The following TIAM1 variants were observed in gnomAD, a reference collection of about 807,000 sequenced individuals.
TIAM1 encodes the protein TIAM Rac1 associated GEF 1.
Under a neutral mutation model 163.5 loss-of-function variants are expected in TIAM1, and 65 were observed. The ratio of observed to expected loss-of-function variants is 0.40; its 90% CI spans 0.33 to 0.49. The LOEUF is 0.49. Among genes scored for constraint, TIAM1 ranks in the 20% least tolerant of loss-of-function variants. The probability of loss-of-function intolerance (pLI) is 0.77; values close to 1 mark genes in which losing one functional copy is unlikely to be tolerated. For synonymous variants in TIAM1, 833 were observed against 810.1 expected (o/e 1.03, Z -0.48); for missense variants, 1,789 against 2,044.7 (o/e 0.87, Z 2.41).
At chr21:31,308,395 A>G (rs909172706) in intron 2 of TIAM1, among the ~76,000 whole-genome samples, 8 of 151,608 alleles carry the variant, frequency 5.3e-5, no homozygotes, top group Admixed American at 5.3e-4. Flanking sequence ...ATGTTTTCAT[A>G]TATTCTATAT....
chr21:31,177,365 C>A (rs115868844), intron 15 of TIAM1, among the ~76,000 whole-genome samples: 1 of 152,074 alleles, frequency 6.6e-6, no homozygotes, highest in African/African-American at 2.4e-5. Flanking sequence ...CCTGCACTTT[C>A]GGAGGGTGAG....
At chr21:31,556,019 C>T (rs2048865604) in intron 1 of TIAM1, among the ~76,000 whole-genome samples, 1 of 152,054 alleles carries the variant, frequency 6.6e-6, no homozygotes, top group Non-Finnish European at 1.5e-5. Flanking sequence ...AGTCTTTGTC[C>T]GGGCTCTTTG....
chr21:31,289,790 T>C (rs1180982576), intron 2 of TIAM1, among the ~76,000 whole-genome samples: 2 of 152,094 alleles, frequency 1.3e-5, no homozygotes, highest in African/African-American at 2.4e-5. Context: ...CAGTGATACA[T>C]CAGTCCCCAT....
At chr21:31,470,318 GTTAT>G (rs1437158475) in intron 1 of TIAM1, among the ~76,000 whole-genome samples, 2 of 146,074 alleles carry the variant, frequency 1.4e-5, no homozygotes, top group Admixed American at 6.9e-5. Context: ...AACTTCAAAT[GTTAT>G]TTATTTATTT....
At chr21:31,237,505 G>T (rs1376093748) in intron 6 of TIAM1, among the ~76,000 whole-genome samples, 1 of 152,098 alleles carries the variant, frequency 6.6e-6, no homozygotes, top group African/African-American at 2.4e-5. Flanking sequence ...TTACTAAAAT[G>T]GTAACTGTTA....
intron 2 of TIAM1, among the ~76,000 whole-genome samples, chr21:31,324,420 A>C (rs2075418736): frequency 6.6e-6 from 1 of 152,218 alleles, no homozygotes; most frequent in Admixed American, 6.5e-5. Context: ...TGATAACAAC[A>C]GTAATAGTAA....
chr21:31,278,576 C>T (rs1031544866), intron 2 of TIAM1, among the ~76,000 whole-genome samples: 1 of 152,192 alleles, frequency 6.6e-6, no homozygotes, highest in African/African-American at 2.4e-5. Flanking sequence ...ATGAAGAAAA[C>T]TGCCTATTTT....
rs1350455447 is a variant in TIAM1 at position 31,223,504 on chromosome 21, G to C, written c.1897C>G (p.Leu633Val). Reference protein sequence around the residue: ...CYLASLQGGELPNPKRLLAFA... With the variant: ...CYLASLQGGEVPNPKRLLAFA... ...GCGAGAAGCCTTTTGGGGTTTGGCA[G>C]CTCCCCACCCTGAAGGCTGGCTAAA... Residue 633 changes from leucine (L) to valine (V), a missense_variant, in exon 8 of 28, where the codon CTG becomes GTG. This residue lies in a region of TIAM1 where 456 missense variants were observed against 586.6 expected (regional missense o/e 0.78). Coordinates refer to ENST00000541036, the MANE Select transcript of TIAM1 (RefSeq NM_001353694.2). The C allele has an allele frequency of 6.2e-7, 1 of 1,613,712 alleles. No homozygotes were observed. Among genetic ancestry groups the C allele is most frequent in the Non-Finnish European group, 8.5e-7 (1 of 1,179,854 alleles).
chr21:31,264,406 A>G (rs553808376), intron 4 of TIAM1, among the ~76,000 whole-genome samples: 1 of 152,342 alleles, frequency 6.6e-6, no homozygotes, highest in East Asian at 1.9e-4. Context: ...AAATTACAAC[A>G]GCTAACAAAG....
At chr21:31,323,112 A>T (rs1259670443) in intron 2 of TIAM1, among the ~76,000 whole-genome samples, 1 of 151,868 alleles carries the variant, frequency 6.6e-6, no homozygotes, top group African/African-American at 2.4e-5. Context: ...ACATGGTGAA[A>T]CCCTGTCTCT....
intron 1 of TIAM1, among the ~76,000 whole-genome samples, chr21:31,524,011 C>CA (rs1483981375): frequency 7.1e-6 from 1 of 140,138 alleles, no homozygotes; most frequent in African/African-American, 2.5e-5. Context: ...AGCCAGACCC[C>CA]AACTCAAAAA....
chr21:31,236,205 T>C (rs899806926), intron 6 of TIAM1, among the ~76,000 whole-genome samples: 2 of 152,206 alleles, frequency 1.3e-5, no homozygotes, highest in African/African-American at 2.4e-5. Context: ...TTGCTTGAGA[T>C]TGGGCCACCA....
intron 2 of TIAM1, among the ~76,000 whole-genome samples, chr21:31,317,685 C>T (rs939177227): frequency 2.0e-5 from 3 of 152,222 alleles, no homozygotes; most frequent in African/African-American, 4.8e-5. Flanking sequence ...GAAGCTGAGG[C>T]AGAAGAATCC....
chr21:31,495,967 C>CAA (rs879271787), intron 1 of TIAM1, among the ~76,000 whole-genome samples: 1 of 135,946 alleles, frequency 7.4e-6, no homozygotes, highest in Non-Finnish European at 1.6e-5. Context: ...GTGAGGGTCT[C>CAA]AAAAAAAAAA....
In TIAM1 at chr21:31,156,839, T is replaced by C. The variant is rs2083649278; in HGVS notation, c.2992-2413A>G. ...ACTCTCCTTGGTTGCTTTGATTTGG[T>C]ACCTGGCAAAGGCACCTAACACAAC... On this transcript the variant is annotated intron_variant, in intron 16 of 27. Coordinates refer to ENST00000541036, the MANE Select transcript of TIAM1 (RefSeq NM_001353694.2). Among the ~76,000 whole-genome samples, 5 of 152,224 alleles carry C rather than the reference T, an allele frequency of 3.3e-5. No homozygotes were observed. The South Asian group carries it at 6.2e-4, about 19-fold the overall frequency.
chr21:31,287,288 A>C (rs1361299552), intron 2 of TIAM1, among the ~76,000 whole-genome samples: 1 of 152,224 alleles, frequency 6.6e-6, no homozygotes, highest in Non-Finnish European at 1.5e-5. Flanking sequence ...TGTTTGGGTA[A>C]GACAGAGTAT....
At chr21:31,295,766 T>C (rs1357290615) in intron 2 of TIAM1, among the ~76,000 whole-genome samples, 2 of 152,180 alleles carry the variant, frequency 1.3e-5, no homozygotes. Context: ...CACGTACCTT[T>C]TGAGAATATG....
chr21:31,210,588 A>AAG (rs1555890875), intron 10 of TIAM1, among the ~76,000 whole-genome samples: 2 of 114,224 alleles, frequency 1.8e-5, no homozygotes, highest in African/African-American at 9.4e-5. Flanking sequence ...GAAAGAAAGA[A>AAG]AGAAAGAGAG....
chr21:31,274,988 C>G (rs1601792178), intron 3 of TIAM1, among the ~76,000 whole-genome samples: 1 of 124,414 alleles, frequency 8.0e-6, no homozygotes, highest in African/African-American at 3.1e-5. Flanking sequence ...GGGCGGGGGG[C>G]AGGGGTGCCT....
Sources: gnomAD v4.1 joint callset for allele counts (sites outside exome capture counted in the v4.1 genomes callset) on GRCh38, gnomAD v4.1.1 for gene constraint, gnomAD v4.1.1 regional missense constraint, MANE v1.5 for transcripts, NCBI Gene and HGNC (gene_info 2026-07-23, HGNC 2026-07-21) for gene names.